The following ERAP2 variants were observed in gnomAD, a reference collection of about 807,000 sequenced individuals.
ERAP2 encodes the protein leukocyte-derived arginine aminopeptidase.
ERAP2 carries 118 observed loss-of-function variants against 111.1 expected under a neutral mutation model. The ratio of observed to expected loss-of-function variants is 1.06; its 90% CI spans 0.92 to 1.24. ERAP2 has a LOEUF of 1.24. ERAP2 is among the 50% of genes most tolerant of loss of function. The pLI is 0.00. For synonymous variants in ERAP2, 410 were observed against 401.2 expected, an observed-to-expected ratio of 1.02 and a Z score of -0.26; for missense variants, 1,131 against 1,125.8, an observed-to-expected ratio of 1.00 and a Z score of -0.07.
Position 96,889,252 on chromosome 5 carries a change from T to G in ERAP2, c.917T>G (p.Leu306Arg). 1.2e-6 allele frequency: 2 copies of G among 1,614,046 alleles called. No homozygotes were observed. The highest frequency in any genetic ancestry group is 4.5e-5 in the East Asian group (2 of 44,876). The part of the protein sequence containing the change: ...THYALQASLK[L>R]LDFYEKYFDI... ...TATGCTTTGCAGGCATCACTGAAGC[T>G]ACTTGATTTTTATGAAAAGTACTTT... The change falls in exon 5 of 19, where the codon CTA (leucine) becomes CGA (arginine). Residue 306 changes from leucine (L) to arginine (R), a missense_variant. Transcript: ENST00000437043.
chr5:96,907,796 T>C (rs986080337), intron 13 of ERAP2, among the ~76,000 whole-genome samples: 3 of 151,968 alleles, frequency 2.0e-5, no homozygotes, highest in African/African-American at 7.3e-5. Flanking sequence ...GGCAGGAGAA[T>C]TGCTTGAACC....
intron 1 of ERAP2, among the ~76,000 whole-genome samples, chr5:96,877,044 G>A (rs989164276): frequency 6.6e-6 from 1 of 152,092 alleles, no homozygotes; most frequent in Non-Finnish European, 1.5e-5. Flanking sequence ...GCACGATCTC[G>A]GCTCACTGCA....
intron 10 of ERAP2, 80 bp downstream of exon 10, chr5:96,900,269 C>G: frequency 6.6e-7 from 1 of 1,518,074 alleles, no homozygotes; most frequent in Non-Finnish European, 8.8e-7. Flanking sequence ...ACAGAGTAGC[C>G]CACCTGTCCC....
chr5:96,917,416 C>A (rs377184669), intron 18 of ERAP2, 46 bp from the exon 19 acceptor site: 8 of 1,561,498 alleles, frequency 5.1e-6, no homozygotes, highest in Non-Finnish European at 6.1e-6. Context: ...CCACCACACT[C>A]GGCCAAGACA....
intron 15 of ERAP2, among the ~76,000 whole-genome samples, chr5:96,911,569 A>T (rs116287513): frequency 0.013 from 1,939 of 151,922 alleles, 21 homozygotes; most frequent in Non-Finnish European, 0.02. Context: ...GAGTCAGATG[A>T]CTCCCAGACA....
intron 13 of ERAP2, among the ~76,000 whole-genome samples, chr5:96,907,653 G>T (rs181214439): frequency 6.6e-6 from 1 of 151,790 alleles, no homozygotes; most frequent in African/African-American, 2.4e-5. Flanking sequence ...AGGCCGAGGC[G>T]GGTGGATCAC....
chr5:96,909,800 T>C (rs770402984), intron 15 of ERAP2, 36 bp downstream of exon 15: 83 of 1,597,784 alleles, frequency 5.2e-5, no homozygotes, highest in Non-Finnish European at 6.9e-5. Context: ...TTTGTTCTTT[T>C]CTCTTTGATG....
chr5:96,909,134 G>C lies in ERAP2; in HGVS notation c.2169+17G>C. On this transcript the variant is annotated intron_variant, in intron 14 of 18. Coordinates refer to ENST00000437043, the MANE Select transcript of ERAP2 (RefSeq NM_022350.5). ...AACCTCAAGGTTTGTGTTGCTTTTA[G>C]AAAATGTATTAAGTAAATACACAGT... 6.2e-7 allele frequency: 1 copy of C among 1,611,758 alleles called. No individual in the cohort carries two copies. Among genetic ancestry groups the C allele is most frequent in the Non-Finnish European group, 8.5e-7 (1 of 1,178,018 alleles).
At chr5:96,885,726 T>A (rs1348323498) in intron 3 of ERAP2, among the ~76,000 whole-genome samples, 1 of 144,678 alleles carries the variant, frequency 6.9e-6, no homozygotes, top group African/African-American at 2.5e-5. Context: ...TGTCTAGGAG[T>A]TGTGACTAGC....
intron 17 of ERAP2, among the ~76,000 whole-genome samples, chr5:96,914,432 A>G (rs184447590): frequency 2.6e-5 from 4 of 152,274 alleles, no homozygotes; most frequent in African/African-American, 9.6e-5. Context: ...TGACGTCCAC[A>G]TGAGACCAAA....
At chr5:96,913,147 T>C (rs924013035) in intron 16 of ERAP2, among the ~76,000 whole-genome samples, 170 bp from the exon 17 acceptor site, 5 of 152,186 alleles carry the variant, frequency 3.3e-5, no homozygotes, top group African/African-American at 1.2e-4. Flanking sequence ...AGGAACAAAA[T>C]AAAAATTATT....
chr5:96,896,410 C>A lies in ERAP2; in HGVS notation c.1277C>A (p.Thr426Lys), dbSNP rs1561378490. 6.2e-7 allele frequency: 1 copy of A among 1,612,108 alleles called. No homozygotes were observed. The highest frequency in any genetic ancestry group is 1.3e-5 in the African/African-American group (1 of 74,976). ...TTGAATGTGTGTTTTGAAGTAATTA[C>A]AAAAGATTCATTGAATTCATCCCGC... The part of the protein sequence containing the change: ...YFLNVCFEVI[T>K]KDSLNSSRPI... Residue 426 changes from threonine to lysine, a missense_variant, in exon 8 of 19, where the codon ACA becomes AAA. This residue lies in a region of ERAP2 where 847 missense variants were observed against 856.5 expected (regional missense o/e 0.99). Transcript: ENST00000437043.
chr5:96,896,241 A>G, intron 7 of ERAP2, 132 bp from the exon 8 acceptor site: 1 of 694,572 alleles, frequency 1.4e-6, no homozygotes, highest in Non-Finnish European at 2.3e-6. Context: ...TACATACAAG[A>G]AAAGAAACAT....
At chr5:96,878,620 A>G (rs898789444) in intron 1 of ERAP2, among the ~76,000 whole-genome samples, 11 of 151,534 alleles carry the variant, frequency 7.3e-5, no homozygotes, top group African/African-American at 2.7e-4. Context: ...ATGGTGACAC[A>G]TTGTCTTTCA....
Position 96,911,299 on chromosome 5 carries a change from C to A in ERAP2, c.2355-1338C>A, listed in dbSNP as rs181340308. Among the ~76,000 whole-genome samples the A allele has an allele frequency of 1.4e-3, 212 of 152,228 alleles. 3 individuals carry two copies. Among genetic ancestry groups the A allele is most frequent in the Middle Eastern group, 0.014 (4 of 294 alleles). ...TTGTGACAAATGCAAATTTCTGGCT[C>A]CCTCCTCAATGCTCTGTGTTGTGTT... is the stretch of plus-strand genomic sequence containing the variant. On this transcript the variant is annotated intron_variant, in intron 15 of 18. Transcript: ENST00000437043.
At chr5:96,897,380 G>A (rs1289820917) in intron 9 of ERAP2, among the ~76,000 whole-genome samples, 1 of 152,108 alleles carries the variant, frequency 6.6e-6, no homozygotes, top group Non-Finnish European at 1.5e-5. Context: ...ATCCAGCTGA[G>A]ATTTCACCTC....
chr5:96,913,014 C>T (rs1002048449), intron 16 of ERAP2, among the ~76,000 whole-genome samples: 7 of 151,990 alleles, frequency 4.6e-5, no homozygotes, highest in Admixed American at 6.6e-5. Context: ...ACTAGACAAG[C>T]GGTTATGTTT....
At chr5:96,910,921 C>G (rs1786663798) in intron 15 of ERAP2, among the ~76,000 whole-genome samples, 1 of 152,126 alleles carries the variant, frequency 6.6e-6, no homozygotes, top group African/African-American at 2.4e-5. Flanking sequence ...ACCATGTGGC[C>G]TACCTTCAAG....
chr5:96,886,976 T>A (rs1234058186), intron 4 of ERAP2, among the ~76,000 whole-genome samples, 187 bp downstream of exon 4: 2 of 151,828 alleles, frequency 1.3e-5, no homozygotes, highest in Admixed American at 1.3e-4. Flanking sequence ...ATAATATTAA[T>A]GTAAGCCTTC....
Sources: gnomAD v4.1 joint callset for allele counts (sites outside exome capture counted in the v4.1 genomes callset) on GRCh38, gnomAD v4.1.1 for gene constraint, gnomAD v4.1.1 regional missense constraint, MANE v1.5 for transcripts, NCBI Gene and HGNC (gene_info 2026-07-23, HGNC 2026-07-21) for gene names.